LRP1B: variants seen among roughly 807,000 people sequenced by gnomAD.
LRP1B encodes the protein low-density lipoprotein receptor-related protein 1B.
Under a neutral mutation model 556.6 loss-of-function variants are expected in LRP1B, and 217 were observed. That is an observed-to-expected ratio of 0.39 (90% CI 0.35 to 0.44). The LOEUF is 0.44. Among genes scored for constraint, LRP1B ranks in the 20% least tolerant of loss-of-function variants. The pLI, the probability that LRP1B is intolerant of heterozygous loss-of-function variation, is 1.00. For missense variants in LRP1B, 5,053 were observed against 5,620.8 expected, an observed-to-expected ratio of 0.90 and a Z score of 3.23; for synonymous variants, 2,047 against 1,865.8, an observed-to-expected ratio of 1.10 and a Z score of -2.50.
chr2:140,300,943 C>T (rs1238392981), intron 83 of LRP1B, among the ~76,000 whole-genome samples: 2 of 152,076 alleles, frequency 1.3e-5, no homozygotes, highest in East Asian at 3.9e-4. Flanking sequence ...TTAGGTAGGA[C>T]TTATTCTGTG....
At chr2:141,735,928 G>T (rs1162640401) in intron 2 of LRP1B, among the ~76,000 whole-genome samples, 1 of 152,208 alleles carries the variant, frequency 6.6e-6, no homozygotes. Context: ...AACTCTGTTT[G>T]TTCTTTGTAA....
intron 5 of LRP1B, among the ~76,000 whole-genome samples, chr2:141,237,519 C>T (rs186099140): frequency 6.8e-4 from 103 of 152,010 alleles, no homozygotes; most frequent in African/African-American, 2.4e-3. Context: ...GCTTTTTAAT[C>T]TTATCTTTGG....
chr2:140,587,353 A>G (rs1044068976), intron 43 of LRP1B, among the ~76,000 whole-genome samples: 4 of 152,222 alleles, frequency 2.6e-5, no homozygotes, highest in Non-Finnish European at 4.4e-5. Context: ...TACAGATTCG[A>G]GAAGCAGACT....
At chr2:141,168,768 T>C (rs934108464) in intron 7 of LRP1B, among the ~76,000 whole-genome samples, 3 of 152,058 alleles carry the variant, frequency 2.0e-5, no homozygotes, top group Admixed American at 1.3e-4. Context: ...GTGTGACATG[T>C]AGCAAGTACT....
intron 2 of LRP1B, among the ~76,000 whole-genome samples, chr2:141,544,386 TCCTCCTCCTCCTCCTCCTCCTCCTC>T (rs1685468023): frequency 7.5e-5 from 6 of 80,358 alleles, no homozygotes; most frequent in African/African-American, 1.9e-4. Context: ...CTTCTTCTCC[TCCTCCTCCTCCTCCTCCTCCTCCTC>T]CTTCTCCTCC....
At chr2:140,836,881 C>T (rs1270389221) in intron 31 of LRP1B, among the ~76,000 whole-genome samples, 1 of 152,196 alleles carries the variant, frequency 6.6e-6, no homozygotes, top group East Asian at 1.9e-4. Context: ...CTGGAAGGTG[C>T]TTAACCTTAA....
Position 140,617,991 on chromosome 2 carries a change from G to A in LRP1B, c.6800-16352C>T, listed in dbSNP as rs1019123135. On this transcript the variant is annotated intron_variant, in intron 41 of 90. Coordinates refer to ENST00000389484, the MANE Select transcript of LRP1B (RefSeq NM_018557.3). ...TTTTAACCTTTTTAAAACACTTTCAGTGTTAAAAGAAACATTTCTTGTTTA... is the reference window on the plus strand; with the variant it reads ...TTTTAACCTTTTTAAAACACTTTCAATGTTAAAAGAAACATTTCTTGTTTA... Among the ~76,000 whole-genome samples, 8 of 151,966 alleles carry A rather than the reference G, an allele frequency of 5.3e-5. No individual in the cohort carries two copies. In the South Asian group the frequency reaches 1.7e-3, roughly 31 times the overall value.
intron 9 of LRP1B, among the ~76,000 whole-genome samples, chr2:141,057,931 T>G (rs1391977021): frequency 6.6e-6 from 1 of 151,896 alleles, no homozygotes; most frequent in Non-Finnish European, 1.5e-5. Context: ...TTATCCACCT[T>G]ACTTTCTTGA....
intron 2 of LRP1B, among the ~76,000 whole-genome samples, chr2:141,801,490 T>C (rs1411854130): frequency 3.9e-5 from 6 of 152,090 alleles, no homozygotes; most frequent in Non-Finnish European, 7.4e-5. Context: ...TTTGCAAAGA[T>C]AGCCGTTATT....
At chr2:141,149,186 G>GT (rs964409034) in intron 7 of LRP1B, among the ~76,000 whole-genome samples, 186 of 151,052 alleles carry the variant, frequency 1.2e-3, no homozygotes, top group Middle Eastern at 0.01. Context: ...AATAAAAAGG[G>GT]TTTTTTTTGT....
chr2:141,465,890 C>G (rs139153651), intron 3 of LRP1B, among the ~76,000 whole-genome samples: 4,212 of 147,746 alleles, frequency 0.029, 101 homozygotes, highest in Non-Finnish European at 0.037. Context: ...TTTTTTATTA[C>G]TATTTTTATT....
chr2:141,921,120 A>G (rs1161039587), intron 1 of LRP1B, among the ~76,000 whole-genome samples: 1 of 152,050 alleles, frequency 6.6e-6, no homozygotes, highest in Non-Finnish European at 1.5e-5. Context: ...TTAAGGCTAC[A>G]TAATCAGTTT....
intron 2 of LRP1B, among the ~76,000 whole-genome samples, chr2:141,783,284 C>G (rs566857127): frequency 1.3e-5 from 2 of 152,092 alleles, no homozygotes; most frequent in Admixed American, 1.3e-4. Context: ...AAATATTACT[C>G]AAATAGAAGA....
At chr2:141,980,594 T>C (rs1216084252) in intron 1 of LRP1B, among the ~76,000 whole-genome samples, 1 of 152,118 alleles carries the variant, frequency 6.6e-6, no homozygotes, top group African/African-American at 2.4e-5. Context: ...ATGGGAATTA[T>C]GAAATTCAAA....
chr2:141,467,346 T>A (rs2105059982), intron 3 of LRP1B, among the ~76,000 whole-genome samples: 1 of 152,088 alleles, frequency 6.6e-6, no homozygotes, highest in South Asian at 2.1e-4. Flanking sequence ...AAAAGCATGA[T>A]GAAGTTACAG....
intron 2 of LRP1B, among the ~76,000 whole-genome samples, chr2:141,697,220 T>A (rs1315433823): frequency 6.6e-6 from 1 of 151,872 alleles, no homozygotes; most frequent in African/African-American, 2.4e-5. Context: ...AATTAAAAAA[T>A]AAACAGTAAT....
intron 21 of LRP1B, among the ~76,000 whole-genome samples, chr2:140,915,044 G>T (rs1335663833): frequency 1.3e-5 from 2 of 152,124 alleles, no homozygotes; most frequent in Non-Finnish European, 2.9e-5. Flanking sequence ...ACACAGAAGA[G>T]CATAAACTAA....
rs1159251481 is a variant in LRP1B at position 141,737,806 on chromosome 2, G to A, written c.205+72473C>T. Among the ~76,000 whole-genome samples the A allele has an allele frequency of 2.6e-5, 4 of 152,214 alleles. No homozygotes were observed. The East Asian group carries it at 7.7e-4, about 29-fold the overall frequency. On this transcript the variant is annotated intron_variant, in intron 2 of 90. Coordinates refer to ENST00000389484, the MANE Select transcript of LRP1B (RefSeq NM_018557.3). ...GTGCATATTAAGCATCCTCAGAAATGCTTTTTTCTTCCAGTGTTTCACTAA... is the reference window on the plus strand; with the variant it reads ...GTGCATATTAAGCATCCTCAGAAATACTTTTTTCTTCCAGTGTTTCACTAA...
intron 7 of LRP1B, among the ~76,000 whole-genome samples, chr2:141,123,038 G>T (rs890691356): frequency 2.0e-5 from 3 of 152,148 alleles, no homozygotes; most frequent in African/African-American, 7.2e-5. Flanking sequence ...TCATAGGTGG[G>T]AATTGAACAG....
Sources: gnomAD v4.1 joint callset for allele counts (sites outside exome capture counted in the v4.1 genomes callset) on GRCh38, gnomAD v4.1.1 for gene constraint, MANE v1.5 for transcripts, NCBI Gene and HGNC (gene_info 2026-07-23, HGNC 2026-07-21) for gene names.